Variants in FAM178B observed in about 807,000 individuals in gnomAD.
FAM178B encodes protein FAM178B.
FAM178B carries 82 observed loss-of-function variants against 91.7 expected under a neutral mutation model. The observed-to-expected ratio is 0.89, with a 90% CI of 0.75 to 1.07. The LOEUF is 1.07. Among genes scored for constraint, FAM178B ranks in the 50% least tolerant of loss-of-function variants. The probability of loss-of-function intolerance (pLI) is 0.00; values close to 1 mark genes in which losing one functional copy is unlikely to be tolerated. For synonymous variants in FAM178B, 368 were observed against 359.4 expected (o/e 1.02, Z -0.27); for missense variants, 769 against 846.7 (o/e 0.91, Z 1.14).
intron 8 of FAM178B, among the ~76,000 whole-genome samples, chr2:96,935,591 T>G (rs2081610446): frequency 6.6e-6 from 1 of 151,634 alleles, no homozygotes; most frequent in Non-Finnish European, 1.5e-5. Flanking sequence ...GTAATGTCCC[T>G]AAATGAATAA....
chr2:96,961,114 A>C (rs781485062), intron 5 of FAM178B, among the ~76,000 whole-genome samples: 6 of 152,172 alleles, frequency 3.9e-5, no homozygotes, highest in Non-Finnish European at 8.8e-5. Flanking sequence ...CCCCATGGAC[A>C]AAGAAGGGAC....
intron 1 of FAM178B, among the ~76,000 whole-genome samples, chr2:96,979,666 T>C (rs918831757): frequency 2.0e-5 from 3 of 152,176 alleles, no homozygotes; most frequent in African/African-American, 7.2e-5. Context: ...GATTGGTGGG[T>C]TGAATGGTAG....
At chr2:96,886,898 A>G (rs1211436363) in intron 14 of FAM178B, among the ~76,000 whole-genome samples, 4 of 152,016 alleles carry the variant, frequency 2.6e-5, no homozygotes. Context: ...TCGTGTTAAC[A>G]CCAAACCTGG....
intron 8 of FAM178B, among the ~76,000 whole-genome samples, chr2:96,941,782 C>T (rs1434742620): frequency 1.3e-5 from 2 of 152,176 alleles, no homozygotes; most frequent in Non-Finnish European, 2.9e-5. Context: ...AAAGAACCTA[C>T]GCAAGCTCTA....
chr2:96,966,696 C>T (rs2082148126), intron 5 of FAM178B, among the ~76,000 whole-genome samples: 1 of 152,118 alleles, frequency 6.6e-6, no homozygotes, highest in African/African-American at 2.4e-5. Flanking sequence ...TCCTCACCCC[C>T]AGGGTGAAGG....
intron 14 of FAM178B, among the ~76,000 whole-genome samples, chr2:96,891,093 G>A (rs964137161): frequency 2.6e-5 from 4 of 152,234 alleles, no homozygotes; most frequent in Admixed American, 2.0e-4. Flanking sequence ...AGCTAGGACT[G>A]TGGTCAAAGC....
chr2:96,943,134 T>G (rs1463173523), intron 8 of FAM178B, among the ~76,000 whole-genome samples: 1 of 152,170 alleles, frequency 6.6e-6, no homozygotes, highest in Non-Finnish European at 1.5e-5. Context: ...AAAATAGATA[T>G]GTTGGACTTC....
In FAM178B at chr2:96,972,103, C is replaced by T; in HGVS notation, c.362G>A (p.Arg121Lys). ...GGCCTCCCGACTGGCCTGCAGCACC[C>T]TCGGGTTGAGGAATTCCACGGGCGG... ...SPPPVEFLNP[R>K]VLQASREAPA... The change falls in exon 3 of 17, where the codon AGG (arginine) becomes AAG (lysine). Residue 121 changes from arginine to lysine, a missense_variant. By Grantham distance (26) the Arg-to-Lys change is conservative (BLOSUM62 2). Coordinates refer to ENST00000490605, the MANE Select transcript of FAM178B (RefSeq NM_001122646.3). 2 of 1,524,162 alleles carry T rather than the reference C, an allele frequency of 1.3e-6. No homozygotes were observed. The highest frequency in any genetic ancestry group is 1.8e-6 in the Non-Finnish European group (2 of 1,133,620). 94.4% of individuals were successfully genotyped at this position (1,524,162 alleles called of 1,614,324 possible).
At chr2:96,898,967 G>C (rs1195102773) in intron 13 of FAM178B, among the ~76,000 whole-genome samples, 1 of 152,258 alleles carries the variant, frequency 6.6e-6, no homozygotes, top group African/African-American at 2.4e-5. Flanking sequence ...ATTGGGAAAG[G>C]GGCATGTGGG....
chr2:96,921,406 A>C (rs995236658), intron 11 of FAM178B, 72 bp downstream of exon 11: 2 of 1,532,032 alleles, frequency 1.3e-6, no homozygotes, highest in Non-Finnish European at 1.8e-6. Context: ...ATCCCCACCC[A>C]GGGCACTCTA....
At position 96,972,593 on chromosome 2, in the gene FAM178B, G is replaced by A. The variant is rs138212858; in HGVS notation, c.87C>T (p.His29=). Residue 29 remains histidine, a synonymous_variant, in exon 2 of 17, where the codon CAC becomes CAT. Coordinates refer to ENST00000490605, the MANE Select transcript of FAM178B (RefSeq NM_001122646.3). ...CCTGGGGCCCAGCCATCTGCAAGCC[G>A]TGGGACATCTGTCCTGGAAGGAAGC... ...QRLHFTGQMS[H]GLQMAGPQET... is the part of the protein sequence containing the mutation. The A allele has an allele frequency of 1.3e-3, 2,002 of 1,551,544 alleles. 12 individuals carry two copies. In the East Asian group the frequency reaches 0.016, roughly 12 times the overall value.
intron 14 of FAM178B, among the ~76,000 whole-genome samples, chr2:96,880,335 G>A (rs2080348819): frequency 6.6e-6 from 1 of 152,152 alleles, no homozygotes; most frequent in African/African-American, 2.4e-5. Context: ...GGCGGTTCCA[G>A]AAACAGAGGC....
chr2:96,948,108 C>T (rs2081860967), intron 7 of FAM178B, among the ~76,000 whole-genome samples: 2 of 152,216 alleles, frequency 1.3e-5, no homozygotes, highest in Admixed American at 1.3e-4. Context: ...CAGAGTCACA[C>T]AGCCTTGAGC....
intron 1 of FAM178B, among the ~76,000 whole-genome samples, chr2:96,974,807 C>T (rs1207644259): frequency 6.6e-6 from 1 of 151,826 alleles, no homozygotes; most frequent in African/African-American, 2.4e-5. Context: ...AATCAATCAT[C>T]GGCCAGGAGC....
At chr2:96,959,261 T>C (rs1041006787) in intron 6 of FAM178B, among the ~76,000 whole-genome samples, 3 of 144,894 alleles carry the variant, frequency 2.1e-5, no homozygotes, top group African/African-American at 2.6e-5. Flanking sequence ...TAGGCAGAGG[T>C]TGAGAGGAAA....
intron 13 of FAM178B, among the ~76,000 whole-genome samples, chr2:96,900,805 C>T (rs901495530): frequency 1.3e-5 from 2 of 152,208 alleles, no homozygotes; most frequent in Non-Finnish European, 2.9e-5. Flanking sequence ...TCTGAACTCC[C>T]TCCTTGCAGT....
At chr2:96,907,835 G>A (rs2081083745) in intron 12 of FAM178B, among the ~76,000 whole-genome samples, 1 of 152,200 alleles carries the variant, frequency 6.6e-6, no homozygotes, top group Non-Finnish European at 1.5e-5. Context: ...TTCACTCCCT[G>A]GGAGGAGAAC....
chr2:96,888,375 C>G (rs2080579433), intron 14 of FAM178B, among the ~76,000 whole-genome samples: 2 of 152,244 alleles, frequency 1.3e-5, no homozygotes, highest in Non-Finnish European at 2.9e-5. Flanking sequence ...CAGACACTTC[C>G]AGGTGGGAAG....
intron 6 of FAM178B, among the ~76,000 whole-genome samples, chr2:96,957,870 C>T (rs915940775): frequency 6.6e-6 from 1 of 151,932 alleles, no homozygotes; most frequent in South Asian, 2.1e-4. Flanking sequence ...CATTTTAGAC[C>T]TCCAGACAAA....
Sources: allele counts gnomAD v4.1 joint callset (sites outside exome capture counted in the v4.1 genomes callset), GRCh38; gene constraint gnomAD v4.1.1; transcripts MANE v1.5; gene names NCBI Gene and HGNC (gene_info 2026-07-23, HGNC 2026-07-21).